Variants in CCBE1 observed in about 807,000 individuals in gnomAD.
CCBE1 encodes the protein collagen and calcium binding EGF domains 1.
Under a neutral mutation model 50.0 loss-of-function variants are expected in CCBE1, and 37 were observed. That is an observed-to-expected ratio of 0.74 (90% CI 0.57 to 0.97). CCBE1 has a LOEUF of 0.97. Among genes scored for constraint, CCBE1 ranks in the 50% least tolerant of loss-of-function variants. The pLI, the probability that CCBE1 is intolerant of heterozygous loss-of-function variation, is 0.00. For missense variants in CCBE1, 538 were observed against 523.8 expected, an observed-to-expected ratio of 1.03 and a Z score of -0.26; for synonymous variants, 234 against 203.7, an observed-to-expected ratio of 1.15 and a Z score of -1.27.
intron 2 of CCBE1, among the ~76,000 whole-genome samples, chr18:59,657,021 A>G (rs2054200223): frequency 6.6e-6 from 1 of 152,162 alleles, no homozygotes; most frequent in African/African-American, 2.4e-5. Context: ...ACAGGCCAGG[A>G]CCCCAGAATG....
At chr18:59,451,965 C>T (rs1043867955) in intron 6 of CCBE1, among the ~76,000 whole-genome samples, 3 of 152,110 alleles carry the variant, frequency 2.0e-5, no homozygotes, top group Admixed American at 6.6e-5. Context: ...TAATAACTTC[C>T]TATGTTTTAA....
intron 2 of CCBE1, among the ~76,000 whole-genome samples, chr18:59,598,318 C>G (rs977754589): frequency 8.5e-5 from 13 of 152,342 alleles, no homozygotes; most frequent in African/African-American, 3.1e-4. Context: ...CGCCCCCTCA[C>G]CGCTGTGGGA....
chr18:59,636,656 A>C (rs1291018267), intron 2 of CCBE1, among the ~76,000 whole-genome samples: 1 of 152,246 alleles, frequency 6.6e-6, no homozygotes, highest in Non-Finnish European at 1.5e-5. Context: ...TAGAGAAACA[A>C]AACAGAATGT....
At chr18:59,524,016 A>G (rs1914714370) in intron 2 of CCBE1, among the ~76,000 whole-genome samples, 1 of 152,240 alleles carries the variant, frequency 6.6e-6, no homozygotes, top group Non-Finnish European at 1.5e-5. Context: ...CTTTATGGCT[A>G]CAAACTTTTA....
chr18:59,433,400 A>G lies in CCBE1; in HGVS notation c.*2508T>C, dbSNP rs188777368. The G allele has an allele frequency of 1.1e-3, 172 of 151,724 alleles. No individual in the cohort carries two copies. Among genetic ancestry groups the G allele is most frequent in the African/African-American group, 3.9e-3 (162 of 41,324 alleles). 9.4% of individuals were successfully genotyped at this position (151,724 alleles called of 1,614,324 possible). ...TTTCACTTTAAAAATGTTAGTGGAG[A>G]GTCACCAGGAATTTTGCATAAATGA... On this transcript the variant is annotated 3_prime_UTR_variant, in exon 11 of 11. Transcript: ENST00000439986.
At chr18:59,626,459 T>C (rs2053786473) in intron 2 of CCBE1, among the ~76,000 whole-genome samples, 1 of 152,194 alleles carries the variant, frequency 6.6e-6, no homozygotes, top group Middle Eastern at 3.2e-3. Flanking sequence ...AATGAACACT[T>C]ATCAGGCTTA....
intron 2 of CCBE1, among the ~76,000 whole-genome samples, chr18:59,626,721 A>G (rs1013642946): frequency 1.3e-5 from 2 of 152,280 alleles, no homozygotes; most frequent in African/African-American, 4.8e-5. Context: ...CTCTGACTCC[A>G]GAATCCATTC....
At chr18:59,678,722 G>A (rs765665157) in intron 2 of CCBE1, among the ~76,000 whole-genome samples, 3 of 152,058 alleles carry the variant, frequency 2.0e-5, no homozygotes, top group Non-Finnish European at 2.9e-5. Flanking sequence ...TAATAGAGAC[G>A]GGGTTTCGCC....
intron 2 of CCBE1, among the ~76,000 whole-genome samples, chr18:59,673,729 T>C (rs949577497): frequency 6.6e-6 from 1 of 152,230 alleles, no homozygotes; most frequent in African/African-American, 2.4e-5. Flanking sequence ...GTTCTGTTCA[T>C]GTGATGGATT....
At chr18:59,521,103 C>G (rs972861534) in intron 2 of CCBE1, among the ~76,000 whole-genome samples, 4 of 152,230 alleles carry the variant, frequency 2.6e-5, no homozygotes, top group African/African-American at 7.2e-5. Flanking sequence ...ATCATTAACC[C>G]TCACTGCCAA....
chr18:59,603,910 C>T (rs1446262562), intron 2 of CCBE1, among the ~76,000 whole-genome samples: 3 of 152,174 alleles, frequency 2.0e-5, no homozygotes, highest in East Asian at 1.9e-4. Flanking sequence ...CTCAACCTCT[C>T]GATGACTCTG....
intron 2 of CCBE1, among the ~76,000 whole-genome samples, chr18:59,644,948 GTTATA>G (rs1367735172): frequency 6.6e-5 from 10 of 152,184 alleles, no homozygotes; most frequent in Non-Finnish European, 2.9e-5. Flanking sequence ...GGGATGAAAA[GTTATA>G]CCCATCAAAA....
intron 2 of CCBE1, among the ~76,000 whole-genome samples, chr18:59,522,319 C>T (rs550612954): frequency 1.3e-5 from 2 of 152,224 alleles, no homozygotes; most frequent in African/African-American, 4.8e-5. Flanking sequence ...ATTTTACCAT[C>T]GGCTAATTGA....
chr18:59,693,654 A>G lies in CCBE1; in HGVS notation c.212+2975T>C, dbSNP rs373667837. On this transcript the variant is annotated intron_variant, in intron 2 of 10. Transcript: ENST00000439986. Reference sequence around the variant, plus strand: ...CTCACAGTTTCAAAGTCCTGGATATAAAATCAAGTCTGCAAACTGAGACCA... The same window carrying G: ...CTCACAGTTTCAAAGTCCTGGATATGAAATCAAGTCTGCAAACTGAGACCA... 1.6e-4 allele frequency among the ~76,000 whole-genome samples: 25 copies of G among 152,296 alleles called. No homozygotes were observed. The East Asian group carries it at 2.9e-3, about 18-fold the overall frequency.
At chr18:59,459,994 A>G (rs1911384549) in intron 5 of CCBE1, among the ~76,000 whole-genome samples, 1 of 152,242 alleles carries the variant, frequency 6.6e-6, no homozygotes, top group African/African-American at 2.4e-5. Flanking sequence ...CGTTATCAGA[A>G]AATAAACAAA....
chr18:59,474,429 T>C (rs1912213717), intron 3 of CCBE1, among the ~76,000 whole-genome samples: 1 of 152,248 alleles, frequency 6.6e-6, no homozygotes, highest in South Asian at 2.1e-4. Flanking sequence ...AAGTTCAGTT[T>C]CTTAAGACCT....
At chr18:59,647,013 G>T (rs1283648899) in intron 2 of CCBE1, among the ~76,000 whole-genome samples, 2 of 152,186 alleles carry the variant, frequency 1.3e-5, no homozygotes, top group African/African-American at 4.8e-5. Flanking sequence ...CTAAGGATGG[G>T]AACCTAAATT....
chr18:59,489,850 C>T (rs147683175), intron 2 of CCBE1, among the ~76,000 whole-genome samples: 1 of 151,956 alleles, frequency 6.6e-6, no homozygotes, highest in African/African-American at 2.4e-5. Flanking sequence ...CTGCCTTTGC[C>T]TTAGTTCAAA....
At chr18:59,589,541 A>T (rs991500205) in intron 2 of CCBE1, among the ~76,000 whole-genome samples, 1 of 152,198 alleles carries the variant, frequency 6.6e-6, no homozygotes, top group Non-Finnish European at 1.5e-5. Context: ...CACACCTGTA[A>T]TCCCAGCATT....
Sources: allele counts gnomAD v4.1 joint callset (sites outside exome capture counted in the v4.1 genomes callset), GRCh38; gene constraint gnomAD v4.1.1; transcripts MANE v1.5; gene names NCBI Gene and HGNC (gene_info 2026-07-23, HGNC 2026-07-21).